The following KCNQ3 variants were observed in gnomAD, a reference collection of about 807,000 sequenced individuals.
The protein encoded by KCNQ3 is potassium voltage-gated channel subfamily Q member 3.
Under a neutral mutation model 92.5 loss-of-function variants are expected in KCNQ3, and 30 were observed. The observed-to-expected ratio is 0.32, with a 90% CI of 0.24 to 0.44. KCNQ3 has a LOEUF of 0.44. Among genes scored for constraint, KCNQ3 ranks in the 20% least tolerant of loss-of-function variants. The probability of loss-of-function intolerance (pLI) is 1.00; values close to 1 mark genes in which losing one functional copy is unlikely to be tolerated. For synonymous variants in KCNQ3, 450 were observed against 468.8 expected, an observed-to-expected ratio of 0.96 and a Z score of 0.52; for missense variants, 913 against 1,140.3, an observed-to-expected ratio of 0.80 and a Z score of 2.87.
intron 1 of KCNQ3, among the ~76,000 whole-genome samples, chr8:132,455,285 T>C (rs1351381545): frequency 6.6e-6 from 1 of 152,160 alleles, no homozygotes; most frequent in Non-Finnish European, 1.5e-5. Context: ...ATTTGTATAC[T>C]TAGTAGAGAC....
chr8:132,297,455 A>G (rs1425573063), intron 1 of KCNQ3, among the ~76,000 whole-genome samples: 1 of 152,166 alleles, frequency 6.6e-6, no homozygotes, highest in Non-Finnish European at 1.5e-5. Flanking sequence ...TATTCTATTT[A>G]AAACTCTGAT....
chr8:132,437,316 A>T (rs1012859200), intron 1 of KCNQ3, among the ~76,000 whole-genome samples: 14 of 150,842 alleles, frequency 9.3e-5, no homozygotes, highest in South Asian at 2.1e-4. Flanking sequence ...AAAATAAAAA[A>T]AAAGAGTGGG....
At chr8:132,437,445 G>A (rs954312616) in intron 1 of KCNQ3, among the ~76,000 whole-genome samples, 3 of 152,168 alleles carry the variant, frequency 2.0e-5, no homozygotes, top group African/African-American at 4.8e-5. Flanking sequence ...CTCCCTTGCA[G>A]GTGAACATGG....
intron 1 of KCNQ3, among the ~76,000 whole-genome samples, chr8:132,193,799 G>A (rs1471454082): frequency 6.6e-6 from 1 of 152,196 alleles, no homozygotes; most frequent in Non-Finnish European, 1.5e-5. Flanking sequence ...AGGCAGGAGG[G>A]ACACAAAGGG....
chr8:132,156,866 G>A (rs546707696), intron 9 of KCNQ3, among the ~76,000 whole-genome samples: 1 of 152,280 alleles, frequency 6.6e-6, no homozygotes, highest in African/African-American at 2.4e-5. Flanking sequence ...CTTTATAAGA[G>A]AAATGAGAGG....
At chr8:132,154,192 AGTTTTTTT>A (rs1324931290) in intron 9 of KCNQ3, among the ~76,000 whole-genome samples, 3,423 of 104,462 alleles carry the variant, frequency 0.033, 221 homozygotes, top group Admixed American at 0.13. Flanking sequence ...AAAGGGTAAA[AGTTTTTTT>A]TTTTTTTTTT....
At chr8:132,347,020 T>G (rs1818709596) in intron 1 of KCNQ3, among the ~76,000 whole-genome samples, 1 of 152,146 alleles carries the variant, frequency 6.6e-6, no homozygotes, top group Non-Finnish European at 1.5e-5. Context: ...AAGATGCTGG[T>G]AGTTTTGCCA....
At chr8:132,258,985 A>G (rs1815686344) in intron 1 of KCNQ3, among the ~76,000 whole-genome samples, 1 of 152,110 alleles carries the variant, frequency 6.6e-6, no homozygotes, top group Admixed American at 6.5e-5. Flanking sequence ...AGACTTTAGC[A>G]AATAAAACTA....
intron 1 of KCNQ3, among the ~76,000 whole-genome samples, chr8:132,359,126 T>C (rs372056342): frequency 3.3e-5 from 5 of 152,168 alleles, no homozygotes; most frequent in African/African-American, 1.2e-4. Flanking sequence ...TACAGTATAA[T>C]TGGGAGGGTC....
rs189962103 is a variant in KCNQ3 at position 132,306,093 on chromosome 8, G to A, written c.387-119912C>T. On this transcript the variant is annotated intron_variant, in intron 1 of 14. Coordinates refer to ENST00000388996, the MANE Select transcript of KCNQ3 (RefSeq NM_004519.4). ...GGTTAGGCAACTCGCCCAAGGCCAT[G>A]TCAATCCATGTTTAGTGTGGGAACA... Among the ~76,000 whole-genome samples, 83 of 152,228 alleles carry A rather than the reference G, an allele frequency of 5.5e-4. 3 individuals are homozygous for A. In the East Asian group the frequency reaches 0.015, roughly 27 times the overall value.
At chr8:132,460,511 TA>T (rs1344401253) in intron 1 of KCNQ3, among the ~76,000 whole-genome samples, 6 of 152,104 alleles carry the variant, frequency 3.9e-5, no homozygotes, top group Admixed American at 6.5e-5. Flanking sequence ...TACACAAGTA[TA>T]ACAGTATGAG....
At chr8:132,419,643 A>G (rs1411525974) in intron 1 of KCNQ3, among the ~76,000 whole-genome samples, 1 of 152,206 alleles carries the variant, frequency 6.6e-6, no homozygotes, top group African/African-American at 2.4e-5. Flanking sequence ...CAGAAAAATG[A>G]GAACTGTTTT....
intron 1 of KCNQ3, among the ~76,000 whole-genome samples, chr8:132,325,324 T>C (rs900815246): frequency 3.3e-5 from 5 of 152,288 alleles, no homozygotes; most frequent in African/African-American, 7.2e-5. Flanking sequence ...GGGTCTAATA[T>C]AGGCTTGGGG....
chr8:132,177,024 T>G (rs1221977536), intron 4 of KCNQ3, among the ~76,000 whole-genome samples: 9 of 152,192 alleles, frequency 5.9e-5, no homozygotes, highest in Admixed American at 5.9e-4. Flanking sequence ...GAAACGTACA[T>G]GGACTAGTCC....
chr8:132,364,799 C>T (rs1378004672), intron 1 of KCNQ3, among the ~76,000 whole-genome samples: 1 of 152,054 alleles, frequency 6.6e-6, no homozygotes, highest in Non-Finnish European at 1.5e-5. Flanking sequence ...TATGCAAATA[C>T]TATTACTTAT....
At chr8:132,159,248 T>C (rs1825908113) in intron 9 of KCNQ3, among the ~76,000 whole-genome samples, 3 of 152,240 alleles carry the variant, frequency 2.0e-5, no homozygotes, top group Non-Finnish European at 4.4e-5. Flanking sequence ...GTAGAATTTA[T>C]GCCTGCAATG....
chr8:132,352,527 G>A (rs1215328819), intron 1 of KCNQ3, among the ~76,000 whole-genome samples: 1 of 152,168 alleles, frequency 6.6e-6, no homozygotes, highest in Non-Finnish European at 1.5e-5. Context: ...GCTGCTGTGA[G>A]GGCTAAATCA....
intron 1 of KCNQ3, among the ~76,000 whole-genome samples, chr8:132,474,232 G>A (rs2130868972): frequency 6.6e-6 from 1 of 152,272 alleles, no homozygotes; most frequent in African/African-American, 2.4e-5. Context: ...AATGTATACT[G>A]AGTGCCTAGT....
At chr8:132,373,543 C>T (rs1819530415) in intron 1 of KCNQ3, among the ~76,000 whole-genome samples, 1 of 152,112 alleles carries the variant, frequency 6.6e-6, no homozygotes, top group Non-Finnish European at 1.5e-5. Flanking sequence ...TATACTATCT[C>T]CATTTGACTC....
Sources: allele counts gnomAD v4.1 joint callset (sites outside exome capture counted in the v4.1 genomes callset), GRCh38; gene constraint gnomAD v4.1.1; transcripts MANE v1.5; gene names NCBI Gene and HGNC (gene_info 2026-07-23, HGNC 2026-07-21).